The following SUCLG2 variants were observed in gnomAD, a reference collection of about 807,000 sequenced individuals.
SUCLG2 encodes the protein succinate-CoA ligase GDP-forming subunit beta, also known as succinate--CoA ligase [GDP-forming] subunit beta, mitochondrial.
A neutral mutation model predicts 47.9 loss-of-function variants in SUCLG2; 42 were observed. The ratio of observed to expected loss-of-function variants is 0.88; its 90% CI spans 0.69 to 1.14. The LOEUF is 1.14. Ranked by LOEUF, SUCLG2 falls within the 50% of genes most tolerant of loss-of-function variation. The pLI is 0.00. For synonymous variants in SUCLG2, 195 were observed against 197.3 expected (o/e 0.99, Z 0.10); for missense variants, 571 against 525.9 (o/e 1.09, Z -0.84).
chr3:67,410,902 T>C (rs76856038), intron 9 of SUCLG2, among the ~76,000 whole-genome samples: 8,047 of 152,320 alleles, frequency 0.053, 306 homozygotes, highest in Middle Eastern at 0.12. Flanking sequence ...ATTTTATTTG[T>C]AATGGGAGCT....
intron 2 of SUCLG2, among the ~76,000 whole-genome samples, chr3:67,603,242 A>G (rs1708458728): frequency 6.6e-6 from 1 of 152,246 alleles, no homozygotes; most frequent in Non-Finnish European, 1.5e-5. Context: ...AAAGGATATT[A>G]AGATCTTTTT....
intron 1 of SUCLG2, among the ~76,000 whole-genome samples, chr3:67,635,034 G>A (rs1015712754): frequency 3.9e-5 from 6 of 152,306 alleles, no homozygotes; most frequent in South Asian, 2.1e-4. Flanking sequence ...CATCTGTCAC[G>A]TAAGGAGAGC....
chr3:67,439,576 C>A (rs1703707992), intron 9 of SUCLG2, among the ~76,000 whole-genome samples: 1 of 152,112 alleles, frequency 6.6e-6, no homozygotes, highest in African/African-American at 2.4e-5. Flanking sequence ...CATAAGCATT[C>A]CTATACACCA....
intron 2 of SUCLG2, among the ~76,000 whole-genome samples, chr3:67,532,792 C>T (rs1027989021): frequency 6.6e-6 from 1 of 152,110 alleles, no homozygotes; most frequent in Non-Finnish European, 1.5e-5. Flanking sequence ...TAAGCAAAAC[C>T]TTACTCTGTG....
At chr3:67,586,419 A>G (rs973753073) in intron 2 of SUCLG2, among the ~76,000 whole-genome samples, 1 of 152,178 alleles carries the variant, frequency 6.6e-6, no homozygotes, top group Non-Finnish European at 1.5e-5. Flanking sequence ...TTTTAAAGGA[A>G]GAGCTATGAA....
chr3:67,576,159 A>G (rs902214224), intron 2 of SUCLG2, among the ~76,000 whole-genome samples: 2 of 152,246 alleles, frequency 1.3e-5, no homozygotes, highest in Non-Finnish European at 2.9e-5. Flanking sequence ...CATGAGAATA[A>G]TAACTAAGAA....
At chr3:67,442,715 A>AT (rs1703802864) in intron 9 of SUCLG2, among the ~76,000 whole-genome samples, 2 of 152,340 alleles carry the variant, frequency 1.3e-5, no homozygotes, top group East Asian at 3.9e-4. Context: ...TTTGTGGTGA[A>AT]CTGAATGCAT....
intron 2 of SUCLG2, among the ~76,000 whole-genome samples, chr3:67,556,588 G>T (rs1237153952): frequency 6.6e-6 from 1 of 152,092 alleles, no homozygotes; most frequent in Non-Finnish European, 1.5e-5. Context: ...GGTGTCTGCT[G>T]GTCAAGCCAC....
intron 2 of SUCLG2, among the ~76,000 whole-genome samples, chr3:67,535,107 G>GT (rs775912181): frequency 6.6e-6 from 1 of 152,052 alleles, no homozygotes; most frequent in Non-Finnish European, 1.5e-5. Flanking sequence ...AAAGCCAAAA[G>GT]TATTTCTACT....
At chr3:67,421,692 T>A (rs190661086) in intron 9 of SUCLG2, among the ~76,000 whole-genome samples, 1 of 152,204 alleles carries the variant, frequency 6.6e-6, no homozygotes, top group African/African-American at 2.4e-5. Flanking sequence ...ATAGTATTCA[T>A]TGGGAGAAAG....
At chr3:67,550,485 C>T (rs2634720) in intron 2 of SUCLG2, among the ~76,000 whole-genome samples, 18,780 of 152,034 alleles carry the variant, frequency 0.12, 1,750 homozygotes, top group East Asian at 0.44. Flanking sequence ...TAGCTGAGAA[C>T]ACAAGTGCAC....
chr3:67,621,971 C>A (rs1340825121), intron 1 of SUCLG2, among the ~76,000 whole-genome samples: 1 of 152,146 alleles, frequency 6.6e-6, no homozygotes, highest in African/African-American at 2.4e-5. Context: ...GATCTTATAA[C>A]TTTCTTCCAT....
chr3:67,462,873 T>C (rs531882938), intron 9 of SUCLG2, among the ~76,000 whole-genome samples: 93 of 152,274 alleles, frequency 6.1e-4, no homozygotes, highest in African/African-American at 2.1e-3. Context: ...GTGTCAGAAC[T>C]GAATTTAGAT....
chr3:67,466,899 G>A (rs968445834), intron 9 of SUCLG2, among the ~76,000 whole-genome samples: 1 of 152,218 alleles, frequency 6.6e-6, no homozygotes, highest in Non-Finnish European at 1.5e-5. Flanking sequence ...CTTACAAAGG[G>A]AGGCAGCCAT....
At chr3:67,538,548 T>C (rs1298884671) in intron 2 of SUCLG2, among the ~76,000 whole-genome samples, 2 of 152,216 alleles carry the variant, frequency 1.3e-5, no homozygotes, top group East Asian at 3.9e-4. Context: ...AGGGGCCCTT[T>C]CCTGGTTCCA....
At chr3:67,418,409 G>C (rs1430689111) in intron 9 of SUCLG2, among the ~76,000 whole-genome samples, 2 of 152,118 alleles carry the variant, frequency 1.3e-5, no homozygotes, top group Non-Finnish European at 2.9e-5. Context: ...GAAGTAGTTT[G>C]CCAAGATCAG....
chr3:67,530,277 AG>A (rs1706367343), intron 2 of SUCLG2, among the ~76,000 whole-genome samples: 1 of 152,194 alleles, frequency 6.6e-6, no homozygotes, highest in Admixed American at 6.5e-5. Flanking sequence ...AATGATGACA[AG>A]GGTTGTTTTA....
chr3:67,402,301 TG>T (rs1216317681), intron 9 of SUCLG2, among the ~76,000 whole-genome samples: 1 of 82,730 alleles, frequency 1.2e-5, no homozygotes, highest in Non-Finnish European at 2.6e-5. Flanking sequence ...CAAGCATTGA[TG>T]AAAGTGGGCA....
At chr3:67,450,189 G>A (rs994660066) in intron 9 of SUCLG2, among the ~76,000 whole-genome samples, 4 of 151,988 alleles carry the variant, frequency 2.6e-5, no homozygotes, top group Admixed American at 6.6e-5. Context: ...CAACAGACAC[G>A]TGCCACCACA....
Sources: allele counts gnomAD v4.1 joint callset (sites outside exome capture counted in the v4.1 genomes callset), GRCh38; gene constraint gnomAD v4.1.1; transcripts MANE v1.5; gene names NCBI Gene and HGNC (gene_info 2026-07-23, HGNC 2026-07-21).